The following CSMD1 variants were observed in gnomAD, a reference collection of about 807,000 sequenced individuals.
The protein encoded by CSMD1 is CUB and sushi domain-containing protein 1.
A neutral mutation model predicts 417.5 loss-of-function variants in CSMD1; 213 were observed. That is an observed-to-expected ratio of 0.51 (90% CI 0.46 to 0.57). The LOEUF (loss-of-function observed/expected upper bound fraction) is 0.57, where lower values mean the gene tolerates loss of function less well. Among genes scored for constraint, CSMD1 ranks in the 20% least tolerant of loss-of-function variants. The pLI, the probability that CSMD1 is intolerant of heterozygous loss-of-function variation, is 0.00. For missense variants in CSMD1, 6,923 were observed against 4,529.7 expected (o/e 1.53, Z -15.17); for synonymous variants, 2,862 against 1,736.8 (o/e 1.65, Z -16.11).
intron 23 of CSMD1, among the ~76,000 whole-genome samples, chr8:3,317,140 G>A (rs373298989): frequency 2.6e-5 from 4 of 152,190 alleles, no homozygotes; most frequent in African/African-American, 7.2e-5. Context: ...AGAGGTGAGG[G>A]AGGAAGAGGA....
intron 3 of CSMD1, among the ~76,000 whole-genome samples, chr8:4,186,221 C>T (rs1322996961): frequency 2.0e-5 from 3 of 152,058 alleles, no homozygotes; most frequent in Non-Finnish European, 2.9e-5. Flanking sequence ...AAGCTCAGGA[C>T]GGCCAAACTG....
intron 1 of CSMD1, among the ~76,000 whole-genome samples, chr8:4,898,445 G>A (rs146245580): frequency 1.3e-5 from 2 of 151,592 alleles, no homozygotes; most frequent in Admixed American, 6.5e-5. Context: ...AGGACCGCAT[G>A]GGTGTAGAAA....
intron 3 of CSMD1, among the ~76,000 whole-genome samples, chr8:4,043,133 C>T (rs778582457): frequency 2.0e-5 from 3 of 151,630 alleles, no homozygotes; most frequent in African/African-American, 7.3e-5. Context: ...ACTCTGTCTA[C>T]AAAACAAAAC....
chr8:4,480,978 G>C (rs923487059), intron 2 of CSMD1, among the ~76,000 whole-genome samples: 2 of 152,076 alleles, frequency 1.3e-5, no homozygotes, highest in Non-Finnish European at 1.5e-5. Flanking sequence ...TGATTCTTTG[G>C]TGCAGTGATT....
chr8:3,140,028 G>A (rs1260195509), intron 41 of CSMD1, among the ~76,000 whole-genome samples: 1 of 151,464 alleles, frequency 6.6e-6, no homozygotes, highest in African/African-American at 2.4e-5. Context: ...TCAGCCTCCT[G>A]AGTAGCTGGG....
At chr8:4,624,387 T>C (rs1379827159) in intron 2 of CSMD1, among the ~76,000 whole-genome samples, 1 of 152,074 alleles carries the variant, frequency 6.6e-6, no homozygotes, top group Non-Finnish European at 1.5e-5. Flanking sequence ...ACTCAACCAG[T>C]TTTGGGGTCA....
chr8:4,585,403 A>G (rs1021349548), intron 2 of CSMD1, among the ~76,000 whole-genome samples: 3 of 152,220 alleles, frequency 2.0e-5, no homozygotes, highest in Non-Finnish European at 4.4e-5. Context: ...AACGAAACTA[A>G]TAGTAAATGA....
rs1339137166 is a variant in CSMD1, at chr8:3,645,471, C to A, written c.1010-28674G>T. 3.3e-5 allele frequency among the ~76,000 whole-genome samples: 5 copies of A among 152,084 alleles called. No individual in the cohort carries two copies. The South Asian group carries it at 1.0e-3, about 32-fold the overall frequency. ...AAACCTTAAAGCAGACATTTACTAA[C>A]TGAAAATGGGACAGTGGAAGAAATG... On this transcript the variant is annotated intron_variant, in intron 7 of 69. Coordinates refer to ENST00000635120, the MANE Select transcript of CSMD1 (RefSeq NM_033225.6).
chr8:4,982,135 C>G (rs892461405), intron 1 of CSMD1, among the ~76,000 whole-genome samples: 5 of 152,198 alleles, frequency 3.3e-5, no homozygotes, highest in African/African-American at 1.2e-4. Flanking sequence ...TTGATGGCTG[C>G]TTTGTGAGAC....
rs137943588 is a variant in CSMD1, at chr8:3,070,078, A to G, written c.7474+17019T>C. Among the ~76,000 whole-genome samples the G allele has an allele frequency of 7.4e-3, 1,131 of 152,340 alleles. 15 individuals are homozygous for G. The highest frequency in any genetic ancestry group is 0.025 in the African/African-American group (1,058 of 41,580). On this transcript the variant is annotated intron_variant, in intron 49 of 69. Coordinates refer to ENST00000635120, the MANE Select transcript of CSMD1 (RefSeq NM_033225.6). ...GAACAGCCAGTATGCGGAAAGCAGC[A>G]TCCTGAGGATTCACAGGGCCGTAGG... is the stretch of plus-strand genomic sequence containing the variant.
At chr8:3,401,040 T>G (rs948977022) in intron 15 of CSMD1, among the ~76,000 whole-genome samples, 1 of 151,804 alleles carries the variant, frequency 6.6e-6, no homozygotes, top group African/African-American at 2.4e-5. Context: ...CATATCGATA[T>G]ACATAATTAT....
At chr8:4,423,542 T>C (rs1377435787) in intron 2 of CSMD1, among the ~76,000 whole-genome samples, 1 of 151,998 alleles carries the variant, frequency 6.6e-6, no homozygotes, top group African/African-American at 2.4e-5. Context: ...GAAGAAAAAG[T>C]TCAAAGAAAT....
intron 3 of CSMD1, among the ~76,000 whole-genome samples, chr8:4,074,570 C>A (rs1009413867): frequency 6.6e-6 from 1 of 151,904 alleles, no homozygotes; most frequent in African/African-American, 2.4e-5. Context: ...TTAAAGGATC[C>A]GACATAAATT....
At chr8:4,914,583 G>GAAAAAAAAAAAAAAAAAAA (rs59293226) in intron 1 of CSMD1, among the ~76,000 whole-genome samples, 1 of 133,684 alleles carries the variant, frequency 7.5e-6, no homozygotes. Context: ...CTCCCAAAAA[G>GAAAAAAAAAAAAAAAAAAA]AAAAAAAAAA....
intron 10 of CSMD1, among the ~76,000 whole-genome samples, chr8:3,509,387 G>C (rs991337731): frequency 2.0e-5 from 3 of 152,104 alleles, no homozygotes; most frequent in Admixed American, 6.5e-5. Context: ...ATAATCCATT[G>C]CTATTAAATA....
rs968313669 is a variant in CSMD1, at chr8:4,275,252, G to A, written c.415+144701C>T. ...GATTTTTTTACAAATAAATATGGGC[G>A]AAATGAAAGCAATATGACTTCTCTT... is the stretch of plus-strand genomic sequence containing the variant. On this transcript the variant is annotated intron_variant, in intron 3 of 69. Transcript: ENST00000635120. 6.6e-5 allele frequency among the ~76,000 whole-genome samples: 10 copies of A among 152,084 alleles called. No individual in the cohort carries two copies. The East Asian group carries it at 9.7e-4, about 15-fold the overall frequency.
chr8:3,678,343 G>A (rs150735174), intron 7 of CSMD1, among the ~76,000 whole-genome samples: 1 of 152,158 alleles, frequency 6.6e-6, no homozygotes, highest in African/African-American at 2.4e-5. Context: ...AGTCTTTAAA[G>A]GACCTGATGG....
At chr8:3,271,690 G>T (rs1470780936) in intron 26 of CSMD1, among the ~76,000 whole-genome samples, 1 of 152,162 alleles carries the variant, frequency 6.6e-6, no homozygotes, top group African/African-American at 2.4e-5. Context: ...GTGATGATGA[G>T]CATTTTTTCA....
intron 1 of CSMD1, among the ~76,000 whole-genome samples, chr8:4,920,896 GAAAAGAAAAGAAAAGAAAAGAAAAGA>G: frequency 2.7e-5 from 1 of 37,564 alleles, no homozygotes; most frequent in South Asian, 1.4e-3. Flanking sequence ...GAAAAGAAAA[GAAAAGAAAAGAAAAGAAAAGAAAAGA>G]AAAGAAAGAG....
Sources: gnomAD v4.1 joint callset for allele counts (sites outside exome capture counted in the v4.1 genomes callset) on GRCh38, gnomAD v4.1.1 for gene constraint, MANE v1.5 for transcripts, NCBI Gene and HGNC (gene_info 2026-07-23, HGNC 2026-07-21) for gene names.